The following RAB3B variants were observed in gnomAD, a reference collection of about 807,000 sequenced individuals.
RAB3B encodes the protein ras-related protein Rab-3B.
A neutral mutation model predicts 20.5 loss-of-function variants in RAB3B; 11 were observed. That is an observed-to-expected ratio of 0.54 (90% CI 0.34 to 0.89). The LOEUF (loss-of-function observed/expected upper bound fraction) is 0.89. Among genes scored for constraint, RAB3B ranks in the 40% least tolerant of loss-of-function variants. The pLI, the probability that RAB3B is intolerant of heterozygous loss-of-function variation, is 0.02. For synonymous variants in RAB3B, 99 were observed against 106.3 expected, an observed-to-expected ratio of 0.93 and a Z score of 0.42; for missense variants, 225 against 280.9, an observed-to-expected ratio of 0.80 and a Z score of 1.42.
chr1:51,984,840 C>G lies in RAB3B; in HGVS notation c.-1+5712G>C, dbSNP rs769061141. ...TCATATCCTTTATCTTCTTTTATCTCTAAATAAACCTGGGAAATAAAGCTG... is the reference window on the plus strand; with the variant it reads ...TCATATCCTTTATCTTCTTTTATCTGTAAATAAACCTGGGAAATAAAGCTG... On this transcript the variant is annotated intron_variant, in intron 1 of 4. Transcript: ENST00000371655. 5.3e-5 allele frequency among the ~76,000 whole-genome samples: 8 copies of G among 152,086 alleles called. No homozygotes were observed. The East Asian group carries it at 1.5e-3, about 29-fold the overall frequency.
At chr1:51,968,578 T>A (rs1684887156) in intron 2 of RAB3B, among the ~76,000 whole-genome samples, 2 of 152,216 alleles carry the variant, frequency 1.3e-5, no homozygotes, top group Admixed American at 6.5e-5. Flanking sequence ...AGAGCCACAA[T>A]CCTCCTTCTT....
chr1:51,981,781 A>G (rs1685092131), intron 1 of RAB3B, among the ~76,000 whole-genome samples: 1 of 152,224 alleles, frequency 6.6e-6, no homozygotes, highest in Admixed American at 6.5e-5. Flanking sequence ...AGCCATGGTA[A>G]CATTGTAGCA....
At chr1:51,920,232 A>G in intron 4 of RAB3B, 118 bp from the exon 5 acceptor site, 1 of 891,352 alleles carries the variant, frequency 1.1e-6, no homozygotes, top group Non-Finnish European at 1.6e-6. Flanking sequence ...TGAAGCAAAG[A>G]GGCTAAATTC....
At chr1:51,990,369 C>T (rs945436777) in intron 1 of RAB3B, among the ~76,000 whole-genome samples, 183 bp downstream of exon 1, 2 of 147,468 alleles carry the variant, frequency 1.4e-5, no homozygotes, top group African/African-American at 5.0e-5. Context: ...GAGACCCCCT[C>T]GGCGCCCCCT....
At chr1:51,967,357 A>C (rs780311566) in intron 2 of RAB3B, among the ~76,000 whole-genome samples, 2 of 151,792 alleles carry the variant, frequency 1.3e-5, no homozygotes, top group Non-Finnish European at 2.9e-5. Flanking sequence ...TGAGAGACTG[A>C]GATGTGATGT....
rs1429765364 is a variant in RAB3B at position 51,920,118 on chromosome 1, G to A, written c.473-4C>T. On this transcript the variant is annotated splice_region_variant and splice_polypyrimidine_tract_variant and intron_variant, in intron 4 of 4. Transcript: ENST00000371655. ...CTGGCTTCAAAGAAATCAAACCCTG[G>A]AAAGAGGAGAGATACAGATAAGGAC... is the stretch of plus-strand genomic sequence containing the variant. 1.9e-6 allele frequency: 3 copies of A among 1,604,994 alleles called. No individual in the cohort carries two copies. The highest frequency in any genetic ancestry group is 2.6e-6 in the Non-Finnish European group (3 of 1,174,034).
At chr1:51,976,829 C>T (rs1281144229) in intron 2 of RAB3B, 61 bp downstream of exon 2, 3 of 1,472,962 alleles carry the variant, frequency 2.0e-6, no homozygotes, top group Non-Finnish European at 2.8e-6. Context: ...ACCTCTAAGC[C>T]CTTGTACTGG....
chr1:51,954,163 G>C (rs952475628), intron 2 of RAB3B, among the ~76,000 whole-genome samples: 1 of 152,232 alleles, frequency 6.6e-6, no homozygotes, highest in African/African-American at 2.4e-5. Context: ...TGTTGAGAGT[G>C]CCTGACACGT....
intron 2 of RAB3B, among the ~76,000 whole-genome samples, chr1:51,957,993 C>T (rs1295072393): frequency 1.3e-5 from 2 of 152,198 alleles, no homozygotes; most frequent in Non-Finnish European, 1.5e-5. Context: ...CAGGGTCCAA[C>T]CTCAGAATTG....
chr1:51,949,674 A>G (rs553996501), intron 2 of RAB3B, among the ~76,000 whole-genome samples: 7 of 152,344 alleles, frequency 4.6e-5, no homozygotes, highest in South Asian at 4.1e-4. Context: ...GGGGTGTTAC[A>G]GTGTGCTAAT....
At chr1:51,925,774 A>G (rs912941998) in intron 4 of RAB3B, among the ~76,000 whole-genome samples, 1 of 152,262 alleles carries the variant, frequency 6.6e-6, no homozygotes, top group Non-Finnish European at 1.5e-5. Context: ...TGTTTCAGTC[A>G]GATTCCAACC....
chr1:51,958,024 C>G (rs182821470), intron 2 of RAB3B, among the ~76,000 whole-genome samples: 1 of 152,322 alleles, frequency 6.6e-6, no homozygotes, highest in East Asian at 1.9e-4. Flanking sequence ...TCTCTATCTT[C>G]CCTTTCTCTT....
In RAB3B at chr1:51,920,082, TCTC is replaced by T. The variant is rs748386851; in HGVS notation, c.502_504del (p.Glu168del). On this transcript the variant is annotated inframe_deletion, in exon 5 of 5. Coordinates refer to ENST00000371655, the MANE Select transcript of RAB3B (RefSeq NM_002867.4). ...TCAAAGGCCTGCCTTACACTGATGT[TCTC>T]CTTTGCACTGGCTTCAAAGAAATCA... 97 of 1,613,636 alleles carry T rather than the reference TCTC, an allele frequency of 6.0e-5. No homozygotes were observed. Among genetic ancestry groups the T allele is most frequent in the Non-Finnish European group, 7.6e-5 (90 of 1,179,786 alleles).
Position 51,910,874 on chromosome 1 carries a change from G to A in RAB3B, c.*9053C>T, listed in dbSNP as rs1381224580. 2 of 152,208 alleles carry A rather than the reference G, an allele frequency of 1.3e-5. No individual in the cohort carries two copies. Among genetic ancestry groups the A allele is most frequent in the Non-Finnish European group, 2.9e-5 (2 of 68,050 alleles). The allele number at this position is 152,208 out of a possible 1,614,324, so 9.4% of individuals were successfully genotyped here. A position where few individuals can be genotyped will look rare whatever the true frequency, so the allele number is the denominator to read the frequency against. ...TCCTAATCCTACTGCTCAGGGACTT[G>A]CTGATTTACTTTGCTGTCTATTAGC... On this transcript the variant is annotated 3_prime_UTR_variant, in exon 5 of 5. Coordinates refer to ENST00000371655, the MANE Select transcript of RAB3B (RefSeq NM_002867.4).
rs1684086323 is a variant in RAB3B, at chr1:51,916,452, G to C, written c.*3475C>G. The C allele has an allele frequency of 6.6e-6, 1 of 152,228 alleles. No homozygotes were observed. The highest frequency in any genetic ancestry group is 1.5e-5 in the Non-Finnish European group (1 of 68,056). The allele number at this position is 152,228 out of a possible 1,614,324, so 9.4% of individuals were successfully genotyped here. On this transcript the variant is annotated 3_prime_UTR_variant, in exon 5 of 5. Coordinates refer to ENST00000371655, the MANE Select transcript of RAB3B (RefSeq NM_002867.4). ...ACCTTGGTCTGAAATCCTAGTACTA[G>C]AGTAGGTGAGTGTTAATGACCAGAA...
intron 4 of RAB3B, among the ~76,000 whole-genome samples, chr1:51,927,377 C>T (rs1424525649): frequency 3.9e-5 from 6 of 152,202 alleles, no homozygotes; most frequent in African/African-American, 1.4e-4. Context: ...TGCTCAAAGT[C>T]ACATAGTAAA....
At chr1:51,943,777 A>T (rs1441652767) in intron 2 of RAB3B, among the ~76,000 whole-genome samples, 1 of 152,250 alleles carries the variant, frequency 6.6e-6, no homozygotes, top group African/African-American at 2.4e-5. Context: ...CTTCAATTCT[A>T]TGAAGGCTGA....
rs1241777649 is a variant in RAB3B at position 51,919,675 on chromosome 1, CAG to C, written c.*250_*251del. On this transcript the variant is annotated 3_prime_UTR_variant, in exon 5 of 5. Transcript: ENST00000371655. ...CCTGTAGTGAATCCCCTTCGTAAAA[CAG>C]AGTCTTCTTTTGTAAAGTGATTCTG... 1.8e-5 allele frequency: 7 copies of C among 380,334 alleles called. No individual in the cohort carries two copies. Among genetic ancestry groups the C allele is most frequent in the East Asian group, 1.6e-4 (4 of 25,474 alleles). The allele number at this position is 380,334 out of a possible 1,614,324, so 23.6% of individuals were successfully genotyped here. A position where few individuals can be genotyped will look rare whatever the true frequency, so the allele number is the denominator to read the frequency against.
chr1:51,919,994 A>G lies in RAB3B; in HGVS notation c.593T>C (p.Leu198Pro), dbSNP rs1437014526. The change falls in exon 5 of 5, where the codon CTG (leucine) becomes CCG (proline). Residue 198 changes from leucine (L) to proline (P), a missense_variant. Transcript: ENST00000371655. ...GAGACGCGTGTTCTTGGAGGAGCCC[A>G]GCATCGACGGGTCTGTGTCCAGCGA... The part of the protein sequence containing the change: ...SDSLDTDPSM[L>P]GSSKNTRLSD... 5.0e-6 allele frequency: 8 copies of G among 1,614,106 alleles called. No homozygotes were observed. In the Admixed American group the frequency reaches 5.0e-5, roughly 10 times the overall value.
Sources: allele counts gnomAD v4.1 joint callset (sites outside exome capture counted in the v4.1 genomes callset), GRCh38; gene constraint gnomAD v4.1.1; transcripts MANE v1.5; gene names NCBI Gene and HGNC (gene_info 2026-07-23, HGNC 2026-07-21).